PTGER4: variants seen among roughly 807,000 people sequenced by gnomAD.
The protein encoded by PTGER4 is prostaglandin E2 receptor EP4 subtype.
PTGER4 carries 11 observed loss-of-function variants against 33.2 expected under a neutral mutation model. That is an observed-to-expected ratio of 0.33 (90% CI 0.21 to 0.55). PTGER4 has a LOEUF of 0.55. Ranked by LOEUF, PTGER4 falls within the 20% of genes least tolerant of loss-of-function variation. The probability of loss-of-function intolerance (pLI) is 0.92; values close to 1 mark genes in which losing one functional copy is unlikely to be tolerated. For synonymous variants in PTGER4, 275 were observed against 281.5 expected (o/e 0.98, Z 0.23); for missense variants, 481 against 650.2 (o/e 0.74, Z 2.83).
the PTGER4 span, among the ~76,000 whole-genome samples, chr5:40,742,439 TC>T: frequency 6.6e-6 from 1 of 152,202 alleles, no homozygotes; most frequent in Admixed American, 6.5e-5. Context: ...GTAGATATTT[TC>T]TGCAGAAAAG....
the PTGER4 span, chr5:40,746,784 C>T: frequency 2.1e-5 from 33 of 1,587,906 alleles, no homozygotes; most frequent in Non-Finnish European, 1.7e-6. Context: ...AAAAAAAAAA[C>T]TTTAAATACA....
the PTGER4 span, among the ~76,000 whole-genome samples, chr5:40,742,336 T>C: frequency 0.063 from 9,570 of 152,172 alleles, 402 homozygotes; most frequent in Non-Finnish European, 0.097. Context: ...ATAATAATAA[T>C]AACTAATATT....
chr5:40,699,564 C>T, the PTGER4 span, among the ~76,000 whole-genome samples: 1 of 152,008 alleles, frequency 6.6e-6, no homozygotes, highest in Non-Finnish European at 1.5e-5. Flanking sequence ...AAACTATAGG[C>T]CAATATCCCT....
the PTGER4 span, among the ~76,000 whole-genome samples, chr5:40,698,868 G>A: frequency 8.5e-5 from 13 of 152,070 alleles, no homozygotes; most frequent in African/African-American, 2.9e-4. Flanking sequence ...AAGTTTTCTC[G>A]TACCAAAAGA....
At chr5:40,690,239 C>A (rs1269472031) in intron 2 of PTGER4, among the ~76,000 whole-genome samples, 3 of 152,122 alleles carry the variant, frequency 2.0e-5, no homozygotes, top group African/African-American at 7.2e-5. Context: ...ACTCAGGAGG[C>A]TACAGCAGGA....
At position 40,681,174 on chromosome 5, in the gene PTGER4, C is replaced by A. The variant is rs1244419869; in HGVS notation, c.181C>A (p.Leu61Met). 6.2e-7 allele frequency: 1 copy of A among 1,614,204 alleles called. No individual in the cohort carries two copies. The highest frequency in any genetic ancestry group is 8.5e-7 in the Non-Finnish European group (1 of 1,180,042). The change falls in exon 2 of 3, where the codon CTG (leucine) becomes ATG (methionine). Residue 61 changes from leucine to methionine, a missense_variant. Coordinates refer to ENST00000302472, the MANE Select transcript of PTGER4 (RefSeq NM_000958.3). The surrounding 1 kb of genome is among the most constrained non-coding windows in gnomAD (Gnocchi z 9.8). ...GACCTTCTACACGCTGGTATGTGGGCTGGCTGTCACCGACCTGTTGGGCAC... is the reference window on the plus strand; with the variant it reads ...GACCTTCTACACGCTGGTATGTGGGATGGCTGTCACCGACCTGTTGGGCAC... ...ETTFYTLVCG[L>M]AVTDLLGTLL... is the part of the protein sequence containing the mutation.
Position 40,692,375 on chromosome 5 carries a change from A to G in PTGER4, c.1464A>G (p.Ile488Met), listed in dbSNP as rs199836761. The G allele has an allele frequency of 1.1e-4, 177 of 1,581,264 alleles. No homozygotes were observed. The highest frequency in any genetic ancestry group is 1.4e-4 in the Non-Finnish European group (167 of 1,162,736). Residue 488 changes from isoleucine to methionine, a missense_variant, in exon 3 of 3, where the codon ATA becomes ATG. Coordinates refer to ENST00000302472, the MANE Select transcript of PTGER4 (RefSeq NM_000958.3). The part of the protein sequence containing the change: ...SETLNLSEKC[I>M] Reference sequence around the variant, plus strand: ...CACTGAACTTATCAGAAAAATGTATATAATAGGCAAGGAAAGAAATACAGT... The same window carrying G: ...CACTGAACTTATCAGAAAAATGTATGTAATAGGCAAGGAAAGAAATACAGT...
At chr5:40,711,453 C>G in the PTGER4 span, among the ~76,000 whole-genome samples, 883 of 152,184 alleles carry the variant, frequency 5.8e-3, 6 homozygotes, top group African/African-American at 0.019. Flanking sequence ...CCAAATGGTA[C>G]AGATAATTTG....
chr5:40,710,861 G>T, the PTGER4 span, among the ~76,000 whole-genome samples: 2 of 152,082 alleles, frequency 1.3e-5, no homozygotes, highest in African/African-American at 4.8e-5. Context: ...CTCACTCATA[G>T]GTGGGAATTG....
At chr5:40,743,037 T>C in the PTGER4 span, among the ~76,000 whole-genome samples, 1 of 152,188 alleles carries the variant, frequency 6.6e-6, no homozygotes, top group Non-Finnish European at 1.5e-5. Flanking sequence ...TCCTGGAGCT[T>C]ACATTCTTAC....
At chr5:40,693,929 TGG>T (rs988950971), downstream of PTGER4, among the ~76,000 whole-genome samples, 15 of 152,214 alleles carry the variant, frequency 9.9e-5, no homozygotes, top group African/African-American at 3.6e-4. Flanking sequence ...CCAGTTTGTA[TGG>T]GTGATGGAGG....
At chr5:40,699,270 C>CT in the PTGER4 span, among the ~76,000 whole-genome samples, 1 of 151,318 alleles carries the variant, frequency 6.6e-6, no homozygotes, top group Non-Finnish European at 1.5e-5. Flanking sequence ...AATTAATGGA[C>CT]TTTTTTGGAT....
At chr5:40,734,026 C>A in the PTGER4 span, among the ~76,000 whole-genome samples, 1 of 152,176 alleles carries the variant, frequency 6.6e-6, no homozygotes, top group Non-Finnish European at 1.5e-5. Context: ...GCAGAGGCAT[C>A]CCTCAATGAA....
chr5:40,704,389 G>A, the PTGER4 span, among the ~76,000 whole-genome samples: 1 of 152,092 alleles, frequency 6.6e-6, no homozygotes, highest in South Asian at 2.1e-4. Context: ...GACCAAATGG[G>A]CAAAAGCTGG....
At chr5:40,722,624 G>A in the PTGER4 span, among the ~76,000 whole-genome samples, 4 of 151,470 alleles carry the variant, frequency 2.6e-5, no homozygotes, top group South Asian at 4.2e-4. Flanking sequence ...GAGCCCCTCC[G>A]CCCAGCAGCT....
Position 40,680,864 on chromosome 5 carries a change from G to T in PTGER4, c.-43-87G>T. 3.4e-6 allele frequency: 4 copies of T among 1,167,114 alleles called. No homozygotes were observed. Among genetic ancestry groups the T allele is most frequent in the Non-Finnish European group, 4.8e-6 (4 of 827,974 alleles). The allele number at this position is 1,167,114 out of a possible 1,614,324, so 72.3% of individuals were successfully genotyped here. ...TCGAGTTGCTCCCCTTGTCTTATCA[G>T]TGTATCGTTTCTCGGGCGCGGGTCT... On this transcript the variant is annotated intron_variant, in intron 1 of 2. Transcript: ENST00000302472. This position sits in a 1 kb window ranked among gnomAD's most constrained non-coding sequence, Gnocchi z 5.5.
At chr5:40,697,294 G>GAAAGAAAGA (rs1741634535), downstream of PTGER4, among the ~76,000 whole-genome samples, 1 of 143,636 alleles carries the variant, frequency 7.0e-6, no homozygotes, top group African/African-American at 2.5e-5. Flanking sequence ...AAGAAAGAAA[G>GAAAGAAAGA]AAAAAGAAAG....
chr5:40,698,913 A>C, the PTGER4 span, among the ~76,000 whole-genome samples: 24 of 152,216 alleles, frequency 1.6e-4, no homozygotes, highest in African/African-American at 5.8e-4. Context: ...CCACTAATGA[A>C]ATAATGGATC....
the PTGER4 span, among the ~76,000 whole-genome samples, chr5:40,745,365 T>A: frequency 6.6e-6 from 1 of 152,172 alleles, no homozygotes; most frequent in African/African-American, 2.4e-5. Context: ...GGTGTCATAA[T>A]GTCTGAAACT....
Sources: allele counts gnomAD v4.1 joint callset (sites outside exome capture counted in the v4.1 genomes callset), GRCh38; gene constraint gnomAD v4.1.1; non-coding constraint Gnocchi (gnomAD v3.1); transcripts MANE v1.5; gene names NCBI Gene and HGNC (gene_info 2026-07-23, HGNC 2026-07-21).